Variants in SLC9A9 observed in about 807,000 individuals in gnomAD.
SLC9A9 encodes the protein sodium/hydrogen exchanger 9.
In SLC9A9, 62 loss-of-function variants were observed where a neutral mutation model predicts 77.8. The ratio of observed to expected loss-of-function variants is 0.80; its 90% CI spans 0.65 to 0.98. The LOEUF (loss-of-function observed/expected upper bound fraction) is 0.98, where lower values mean the gene tolerates loss of function less well. Ranked by LOEUF, SLC9A9 falls within the 50% of genes least tolerant of loss-of-function variation. The pLI, the probability that SLC9A9 is intolerant of heterozygous loss-of-function variation, is 0.00. For missense variants in SLC9A9, 775 were observed against 774.9 expected, an observed-to-expected ratio of 1.00 and a Z score of 0.00; for synonymous variants, 320 against 283.5, an observed-to-expected ratio of 1.13 and a Z score of -1.29.
intron 12 of SLC9A9, among the ~76,000 whole-genome samples, chr3:143,434,701 C>T (rs2034589206): frequency 6.6e-6 from 1 of 152,178 alleles, no homozygotes; most frequent in South Asian, 2.1e-4. Context: ...GATTCAGTCT[C>T]ATAAATGCCT....
chr3:143,410,403 T>TA (rs1462278408), intron 12 of SLC9A9, among the ~76,000 whole-genome samples: 1 of 152,140 alleles, frequency 6.6e-6, no homozygotes, highest in Non-Finnish European at 1.5e-5. Flanking sequence ...CTCTCAAACT[T>TA]AGTCTTTCTT....
chr3:143,542,938 G>T (rs1225716123), intron 9 of SLC9A9, among the ~76,000 whole-genome samples: 1 of 152,214 alleles, frequency 6.6e-6, no homozygotes, highest in Non-Finnish European at 1.5e-5. Context: ...AAATTTAGAT[G>T]TTACATATGT....
In SLC9A9 at chr3:143,467,171, T is replaced by C. The variant is rs777853639; in HGVS notation, c.1335A>G (p.Ala445=). Residue 445 remains alanine, a synonymous_variant, in exon 12 of 16, where the codon GCA becomes GCG. Coordinates refer to ENST00000316549, the MANE Select transcript of SLC9A9 (RefSeq NM_173653.4). Reference sequence around the variant, plus strand: ...CTGTGTTCCGAATAGCTAAGGCAAATGCGATCGCTCCTCGCAAACCTTGCA... The same window carrying C: ...CTGTGTTCCGAATAGCTAAGGCAAACGCGATCGCTCCTCGCAAACCTTGCA... ...MMFSGLRGAI[A]FALAIRNTES... is the part of the protein sequence containing the mutation. 1.2e-6 allele frequency: 2 copies of C among 1,614,182 alleles called. No homozygotes were observed. The highest frequency in any genetic ancestry group is 1.1e-5 in the South Asian group (1 of 91,084).
chr3:143,387,675 C>T (rs1201909135), intron 12 of SLC9A9, among the ~76,000 whole-genome samples: 1 of 152,040 alleles, frequency 6.6e-6, no homozygotes, highest in Non-Finnish European at 1.5e-5. Flanking sequence ...GAGCAAAACA[C>T]ATCTCTTGTG....
intron 9 of SLC9A9, among the ~76,000 whole-genome samples, chr3:143,524,966 T>C (rs1312932177): frequency 6.6e-6 from 1 of 152,220 alleles, no homozygotes; most frequent in African/African-American, 2.4e-5. Context: ...TGCCTGATCT[T>C]GGCCCTCCCA....
intron 12 of SLC9A9, among the ~76,000 whole-genome samples, chr3:143,449,817 T>C (rs1441349615): frequency 2.5e-5 from 1 of 40,290 alleles, no homozygotes; most frequent in African/African-American, 2.0e-4. Flanking sequence ...TATAATTATA[T>C]ATTTACATAT....
intron 11 of SLC9A9, among the ~76,000 whole-genome samples, chr3:143,468,557 T>C (rs2035323576): frequency 6.6e-6 from 1 of 152,242 alleles, no homozygotes; most frequent in Non-Finnish European, 1.5e-5. Context: ...GTTTTAGCTA[T>C]TCTAGTTATT....
chr3:143,394,176 T>A (rs868013241), intron 12 of SLC9A9, among the ~76,000 whole-genome samples: 23 of 152,306 alleles, frequency 1.5e-4, no homozygotes, highest in Middle Eastern at 3.4e-3. Flanking sequence ...CCAATATCCC[T>A]GATGAACATC....
intron 14 of SLC9A9, among the ~76,000 whole-genome samples, chr3:143,317,022 C>A (rs1314003031): frequency 1.3e-5 from 2 of 152,060 alleles, no homozygotes; most frequent in Non-Finnish European, 2.9e-5. Context: ...TCCCAAAGTG[C>A]TAGGAACAGG....
intron 2 of SLC9A9, among the ~76,000 whole-genome samples, chr3:143,802,799 A>G (rs2008601939): frequency 6.6e-6 from 1 of 152,144 alleles, no homozygotes; most frequent in South Asian, 2.1e-4. Flanking sequence ...ACTGGACAGT[A>G]CTTTTACCTC....
chr3:143,428,211 AT>A (rs2034440858), intron 12 of SLC9A9, among the ~76,000 whole-genome samples: 1 of 152,202 alleles, frequency 6.6e-6, no homozygotes. Context: ...TATATGGGGA[AT>A]TCAGAACACT....
intron 6 of SLC9A9, among the ~76,000 whole-genome samples, chr3:143,583,944 G>A (rs78123168): frequency 0.089 from 13,509 of 152,190 alleles, 703 homozygotes; most frequent in Middle Eastern, 0.2. Flanking sequence ...ATGGTGTGTG[G>A]CACATAGTAA....
At chr3:143,412,390 A>C (rs2034112145) in intron 12 of SLC9A9, among the ~76,000 whole-genome samples, 1 of 151,952 alleles carries the variant, frequency 6.6e-6, no homozygotes, top group South Asian at 2.1e-4. Flanking sequence ...GATGACCCCA[A>C]CACCCTCAGT....
At chr3:143,484,720 T>C (rs879927571) in intron 11 of SLC9A9, among the ~76,000 whole-genome samples, 15 of 152,204 alleles carry the variant, frequency 9.9e-5, no homozygotes, top group Non-Finnish European at 1.8e-4. Context: ...TTCTCATGAC[T>C]TTGAAGGTAA....
chr3:143,273,590 G>A (rs889806270), intron 14 of SLC9A9, among the ~76,000 whole-genome samples: 2 of 152,080 alleles, frequency 1.3e-5, no homozygotes, highest in Non-Finnish European at 2.9e-5. Flanking sequence ...CCCAAGCTAT[G>A]GTATTTTGTT....
At chr3:143,381,958 T>C in intron 13 of SLC9A9, 102 bp downstream of exon 13, 3 of 1,374,298 alleles carry the variant, frequency 2.2e-6, no homozygotes, top group Non-Finnish European at 3.1e-6. Context: ...GGAAGCTCCG[T>C]TTAGAAATAG....
chr3:143,327,433 A>G (rs2031638910), intron 14 of SLC9A9, among the ~76,000 whole-genome samples: 1 of 152,216 alleles, frequency 6.6e-6, no homozygotes, highest in African/African-American at 2.4e-5. Context: ...ATATGGAACA[A>G]TATGAGTTTT....
chr3:143,417,029 A>G (rs545587210), intron 12 of SLC9A9, among the ~76,000 whole-genome samples: 2 of 152,086 alleles, frequency 1.3e-5, no homozygotes, highest in Non-Finnish European at 2.9e-5. Flanking sequence ...TTTTGGTGGG[A>G]TGGGGTATAG....
intron 14 of SLC9A9, among the ~76,000 whole-genome samples, chr3:143,287,173 G>A (rs1191304816): frequency 6.6e-6 from 1 of 152,106 alleles, no homozygotes; most frequent in East Asian, 1.9e-4. Flanking sequence ...GCCCAAGAAT[G>A]CTCAGCAAGA....
Sources: allele counts gnomAD v4.1 joint callset (sites outside exome capture counted in the v4.1 genomes callset), GRCh38; gene constraint gnomAD v4.1.1; transcripts MANE v1.5; gene names NCBI Gene and HGNC (gene_info 2026-07-23, HGNC 2026-07-21).